ITCH: variants seen among roughly 807,000 people sequenced by gnomAD.
ITCH encodes the protein E3 ubiquitin-protein ligase Itchy homolog.
In ITCH, 28 loss-of-function variants were observed where a neutral mutation model predicts 126.8. The observed-to-expected ratio is 0.22, with a 90% CI of 0.16 to 0.30. ITCH has a LOEUF of 0.30. Among genes scored for constraint, ITCH ranks in the 10% least tolerant of loss-of-function variants. ITCH has a pLI of 1.00. For missense variants in ITCH, 631 were observed against 1,032.4 expected, an observed-to-expected ratio of 0.61 and a Z score of 5.33; for synonymous variants, 342 against 340.0, an observed-to-expected ratio of 1.01 and a Z score of -0.06.
At chr20:34,461,600 AGCTGAG>A (rs979427839) in intron 13 of ITCH, among the ~76,000 whole-genome samples, 15 of 151,478 alleles carry the variant, frequency 9.9e-5, no homozygotes, top group African/African-American at 3.2e-4. Flanking sequence ...CTGTAGTCCC[AGCTGAG>A]GCTGAGGCAG....
chr20:34,504,825 A>G (rs1174893364), intron 24 of ITCH, among the ~76,000 whole-genome samples: 1 of 152,092 alleles, frequency 6.6e-6, no homozygotes, highest in African/African-American at 2.4e-5. Flanking sequence ...TTTGAACCTT[A>G]TTTTGTGGGA....
At chr20:34,377,790 C>T (rs143736167) in intron 2 of ITCH, among the ~76,000 whole-genome samples, 185 of 151,582 alleles carry the variant, frequency 1.2e-3, no homozygotes, top group Non-Finnish European at 2.2e-3. Flanking sequence ...TTACCTGGTC[C>T]CGGGAGGTCA....
rs536533667 is a variant in ITCH at position 34,508,796 on chromosome 20, T to C, written c.*1002T>C. The C allele has an allele frequency of 6.6e-6, 1 of 152,352 alleles. No homozygotes were observed. The highest frequency in any genetic ancestry group is 2.1e-4 in the South Asian group (1 of 4,834). 9.4% of individuals were successfully genotyped at this position (152,352 alleles called of 1,614,324 possible). On this transcript the variant is annotated 3_prime_UTR_variant, in exon 25 of 25. Coordinates refer to ENST00000374864, the MANE Select transcript of ITCH (RefSeq NM_031483.7). ...TTGATGCTTTATAGTTTTATCATAA[T>C]CCAACAACTTCAGTTATATTTAATT...
intron 16 of ITCH, among the ~76,000 whole-genome samples, chr20:34,471,797 T>TGTGTGTG (rs1987657752): frequency 1.2e-5 from 1 of 86,526 alleles, no homozygotes; most frequent in Non-Finnish European, 2.5e-5. Flanking sequence ...GTGTGTGTGT[T>TGTGTGTG]TCAGGTTTCC....
At position 34,490,517 on chromosome 20, in the gene ITCH, C is replaced by T. The variant is rs371255513; in HGVS notation, c.2319+591C>T. Among the ~76,000 whole-genome samples the T allele has an allele frequency of 1.3e-3, 191 of 152,260 alleles. 1 individual carries two copies. The highest frequency in any genetic ancestry group is 4.5e-3 in the African/African-American group (187 of 41,542). On this transcript the variant is annotated intron_variant, in intron 22 of 24. Coordinates refer to ENST00000374864, the MANE Select transcript of ITCH (RefSeq NM_031483.7). Reference sequence around the variant, plus strand: ...AATTAGCCGGGCATGGTGGCACATGCCTGTAATCCCAGCTACTTGGGAGGC... The same window carrying T: ...AATTAGCCGGGCATGGTGGCACATGTCTGTAATCCCAGCTACTTGGGAGGC...
chr20:34,451,226 G>T (rs1985187304), intron 12 of ITCH, among the ~76,000 whole-genome samples: 1 of 151,298 alleles, frequency 6.6e-6, no homozygotes, highest in South Asian at 2.1e-4. Flanking sequence ...GGAGGCGGAG[G>T]TTGCAGTGAG....
chr20:34,506,353 A>G (rs1465447676), intron 24 of ITCH, among the ~76,000 whole-genome samples: 1 of 152,208 alleles, frequency 6.6e-6, no homozygotes, highest in African/African-American at 2.4e-5. Context: ...CCATCATGCC[A>G]GACCTAAAAC....
intron 14 of ITCH, among the ~76,000 whole-genome samples, chr20:34,464,241 G>T (rs1986817175): frequency 1.3e-5 from 2 of 150,306 alleles, no homozygotes. Context: ...ACCCACCTCA[G>T]TCTCCCAAAG....
intron 2 of ITCH, among the ~76,000 whole-genome samples, chr20:34,390,443 CTTTTTTT>C (rs546555130): frequency 9.9e-5 from 9 of 90,792 alleles, no homozygotes; most frequent in Admixed American, 1.4e-4. Context: ...CAAGAATAAT[CTTTTTTT>C]TTTTTTTTTT....
intron 23 of ITCH, among the ~76,000 whole-genome samples, chr20:34,503,769 C>T (rs1178536099): frequency 2.6e-5 from 4 of 151,540 alleles, no homozygotes; most frequent in African/African-American, 9.7e-5. Flanking sequence ...ACCAGAATCA[C>T]CCGGAAGCTT....
chr20:34,503,016 A>AAT (rs1990359416), intron 23 of ITCH, among the ~76,000 whole-genome samples: 1 of 152,150 alleles, frequency 6.6e-6, no homozygotes, highest in Non-Finnish European at 1.5e-5. Flanking sequence ...TGTCTCAAAA[A>AAT]ATATATATAT....
At chr20:34,419,564 C>T (rs376082416) in intron 6 of ITCH, among the ~76,000 whole-genome samples, 23 of 152,120 alleles carry the variant, frequency 1.5e-4, no homozygotes, top group African/African-American at 4.6e-4. Context: ...TCACTGCAAC[C>T]TCCTTCCGGG....
At chr20:34,366,647 G>T (rs548476318) in intron 1 of ITCH, among the ~76,000 whole-genome samples, 4 of 151,886 alleles carry the variant, frequency 2.6e-5, no homozygotes, top group Non-Finnish European at 5.9e-5. Flanking sequence ...CGGGTGAATC[G>T]CTTGAGCTCA....
intron 3 of ITCH, among the ~76,000 whole-genome samples, chr20:34,394,936 A>C (rs1270168534): frequency 6.6e-6 from 1 of 151,998 alleles, no homozygotes; most frequent in Non-Finnish European, 1.5e-5. Context: ...CAGGTCTGTT[A>C]AAAGACTTCA....
intron 6 of ITCH, chr20:34,417,221 C>A (rs937191688): frequency 6.1e-6 from 4 of 657,986 alleles, no homozygotes; most frequent in Non-Finnish European, 2.8e-6. Context: ...CTCAGCCTCC[C>A]GAGTAGCTGG....
chr20:34,378,888 A>G (rs1279497168), intron 2 of ITCH, among the ~76,000 whole-genome samples: 1 of 152,160 alleles, frequency 6.6e-6, no homozygotes, highest in Non-Finnish European at 1.5e-5. Context: ...CACTTGGTGA[A>G]TTTTAACCTT....
intron 2 of ITCH, among the ~76,000 whole-genome samples, chr20:34,373,531 C>T (rs1268180182): frequency 3.3e-5 from 5 of 152,146 alleles, no homozygotes; most frequent in Non-Finnish European, 7.3e-5. Context: ...CTGCCTTGGC[C>T]TCCCAAAGTG....
At chr20:34,445,754 A>G (rs1433730994) in intron 11 of ITCH, among the ~76,000 whole-genome samples, 1 of 152,204 alleles carries the variant, frequency 6.6e-6, no homozygotes, top group Non-Finnish European at 1.5e-5. Context: ...AATAAACCCA[A>G]GCAGCTTGAA....
chr20:34,487,088 T>C (rs1357037506), intron 20 of ITCH, among the ~76,000 whole-genome samples: 1 of 144,280 alleles, frequency 6.9e-6, no homozygotes, highest in Non-Finnish European at 1.5e-5. Context: ...CTTGGCTCAC[T>C]CTAAGCTCCG....
Sources: gnomAD v4.1 joint callset for allele counts (sites outside exome capture counted in the v4.1 genomes callset) on GRCh38, gnomAD v4.1.1 for gene constraint, MANE v1.5 for transcripts, NCBI Gene and HGNC (gene_info 2026-07-23, HGNC 2026-07-21) for gene names.